NAALADL2: variants seen among roughly 807,000 people sequenced by gnomAD.
The protein encoded by NAALADL2 is N-acetylated alpha-linked acidic dipeptidase like 2, also known as inactive N-acetylated-alpha-linked acidic dipeptidase-like protein 2.
Under a neutral mutation model 87.2 loss-of-function variants are expected in NAALADL2, and 76 were observed. The observed-to-expected ratio is 0.87, with a 90% CI of 0.72 to 1.05. The LOEUF is 1.05. Among genes scored for constraint, NAALADL2 ranks in the 50% least tolerant of loss-of-function variants. The pLI, the probability that NAALADL2 is intolerant of heterozygous loss-of-function variation, is 0.00. For synonymous variants in NAALADL2, 354 were observed against 331.0 expected (o/e 1.07, Z -0.75); for missense variants, 1,089 against 945.8 (o/e 1.15, Z -1.99).
chr3:174,944,289 T>A (rs2108483956), intron 1 of NAALADL2, among the ~76,000 whole-genome samples: 1 of 152,284 alleles, frequency 6.6e-6, no homozygotes, highest in African/African-American at 2.4e-5. Context: ...AGGCACCTAC[T>A]TTAAAAAGCA....
At chr3:175,754,091 T>C (rs576278564) in intron 12 of NAALADL2, among the ~76,000 whole-genome samples, 1 of 152,238 alleles carries the variant, frequency 6.6e-6, no homozygotes, top group South Asian at 2.1e-4. Flanking sequence ...CATGACATGA[T>C]AAGAGAGTGA....
intron 1 of NAALADL2, among the ~76,000 whole-genome samples, chr3:174,520,336 AAG>A (rs1170133317): frequency 6.6e-6 from 1 of 152,188 alleles, no homozygotes; most frequent in African/African-American, 2.4e-5. Context: ...TAGTAACTAA[AAG>A]AGAATAGTAC....
intron 10 of NAALADL2, among the ~76,000 whole-genome samples, chr3:175,601,219 C>A (rs1722936984): frequency 6.6e-6 from 1 of 151,880 alleles, no homozygotes; most frequent in Non-Finnish European, 1.5e-5. Context: ...GTTTATATAA[C>A]CCTTTACTTT....
At position 175,256,521 on chromosome 3, in the gene NAALADL2, G is replaced by A; in HGVS notation, c.930G>A (p.Leu310=). 1 of 1,611,686 alleles carries A rather than the reference G, an allele frequency of 6.2e-7. No individual in the cohort carries two copies. Among genetic ancestry groups the A allele is most frequent in the Non-Finnish European group, 8.5e-7 (1 of 1,179,040 alleles). ...TCCTGAAATTAGGAAAATTGCCACT[G>A]CTTTATAAGGTTGGTCCAGTGAATG... ...IALLKLGKLP[L]LYKLSSLEKA... The change falls in exon 4 of 14, where the codon CTG becomes CTA. Residue 310 remains leucine (L), a synonymous_variant. Transcript: ENST00000454872.
intron 3 of NAALADL2, among the ~76,000 whole-genome samples, chr3:174,743,806 AT>A (rs146825234): frequency 0.075 from 11,301 of 151,156 alleles, 458 homozygotes; most frequent in Middle Eastern, 0.14. Context: ...TAAAGAACAT[AT>A]TTTTTTTTCA....
intron 2 of NAALADL2, among the ~76,000 whole-genome samples, chr3:175,199,022 C>T (rs527527447): frequency 1.3e-5 from 2 of 152,114 alleles, no homozygotes; most frequent in Non-Finnish European, 2.9e-5. Flanking sequence ...ATTTTAAGGA[C>T]AGTTTCAATA....
chr3:175,451,087 G>A (rs146584354), intron 6 of NAALADL2, among the ~76,000 whole-genome samples: 2 of 152,130 alleles, frequency 1.3e-5, no homozygotes, highest in East Asian at 3.9e-4. Context: ...TATATGATTA[G>A]AGCCCTAAAT....
chr3:174,778,129 T>A (rs568799845), intron 3 of NAALADL2, among the ~76,000 whole-genome samples: 1 of 152,194 alleles, frequency 6.6e-6, no homozygotes, highest in Non-Finnish European at 1.5e-5. Flanking sequence ...TTCTAGACTT[T>A]CCATGATCTC....
At chr3:174,869,980 G>C (rs114200137) in intron 1 of NAALADL2, among the ~76,000 whole-genome samples, 6 of 117,342 alleles carry the variant, frequency 5.1e-5, no homozygotes, top group Admixed American at 1.1e-4. Context: ...TGGGCAACAA[G>C]AGCGACAAAA....
At chr3:175,645,116 AT>A (rs575084906) in intron 11 of NAALADL2, among the ~76,000 whole-genome samples, 2,924 of 146,266 alleles carry the variant, frequency 0.02, 69 homozygotes, top group African/African-American at 0.063. Flanking sequence ...GCGAAGCTGT[AT>A]TTTTTTTTTT....
chr3:175,272,347 A>G (rs1752963204), intron 4 of NAALADL2, among the ~76,000 whole-genome samples: 1 of 152,224 alleles, frequency 6.6e-6, no homozygotes, highest in Non-Finnish European at 1.5e-5. Context: ...AGTTTATCAT[A>G]TTAAACTCCC....
intron 3 of NAALADL2, among the ~76,000 whole-genome samples, chr3:175,244,380 T>C (rs1747563998): frequency 6.6e-6 from 1 of 152,168 alleles, no homozygotes; most frequent in Admixed American, 6.5e-5. Flanking sequence ...TCTCTGTACC[T>C]CTTTTTTCAT....
At chr3:175,504,044 A>G (rs1349232079) in intron 9 of NAALADL2, among the ~76,000 whole-genome samples, 1 of 152,180 alleles carries the variant, frequency 6.6e-6, no homozygotes, top group East Asian at 1.9e-4. Flanking sequence ...ATGATCTTTC[A>G]AGGTTTTTAT....
At chr3:174,752,907 T>A (rs7645277) in intron 3 of NAALADL2, among the ~76,000 whole-genome samples, 4,375 of 152,258 alleles carry the variant, frequency 0.029, 224 homozygotes, top group African/African-American at 0.099. Flanking sequence ...ATACTAATGG[T>A]AGATTAAACT....
At chr3:175,433,230 C>T (rs1364186973) in intron 5 of NAALADL2, among the ~76,000 whole-genome samples, 1 of 152,046 alleles carries the variant, frequency 6.6e-6, no homozygotes, top group Non-Finnish European at 1.5e-5. Context: ...TAACATCCCA[C>T]TCATTTCCTA....
In NAALADL2 at chr3:175,447,280, C is replaced by T; in HGVS notation, c.1142C>T (p.Pro381Leu). 6.2e-7 allele frequency: 1 copy of T among 1,604,302 alleles called. No individual in the cohort carries two copies. The highest frequency in any genetic ancestry group is 2.2e-5 in the East Asian group (1 of 44,708). ...AACCTCACCTCTCTATTAGTGCAGCCCATCTCTGCACCCCTCGTTGCAAAA... is the reference window on the plus strand; with the variant it reads ...AACCTCACCTCTCTATTAGTGCAGCTCATCTCTGCACCCCTCGTTGCAAAA... Reference protein sequence around the residue: ...RSNLTSLLVQPISAPLVAKLI... With the variant: ...RSNLTSLLVQLISAPLVAKLI... The change falls in exon 6 of 14, where the codon CCC becomes CTC. Residue 381 changes from proline (P) to leucine (L), a missense_variant. By Grantham distance (98) the Pro-to-Leu change is moderately conservative. Coordinates refer to ENST00000454872, the MANE Select transcript of NAALADL2 (RefSeq NM_207015.3).
chr3:174,898,397 A>C (rs1579425286), intron 1 of NAALADL2, among the ~76,000 whole-genome samples: 1 of 151,500 alleles, frequency 6.6e-6, no homozygotes, highest in East Asian at 1.9e-4. Flanking sequence ...AATAATAAAT[A>C]AATTAATAAT....
intron 2 of NAALADL2, among the ~76,000 whole-genome samples, chr3:175,139,078 A>C (rs1471307): frequency 0.26 from 39,655 of 151,164 alleles, 6,038 homozygotes; most frequent in South Asian, 0.35. Context: ...TATTAAACAC[A>C]AGTAGAACTC....
intron 11 of NAALADL2, among the ~76,000 whole-genome samples, chr3:175,716,875 G>C (rs896834538): frequency 2.6e-5 from 4 of 152,094 alleles, no homozygotes; most frequent in Admixed American, 2.6e-4. Context: ...TTACTTTCTG[G>C]TCCATAGTTA....
Sources: allele counts gnomAD v4.1 joint callset (sites outside exome capture counted in the v4.1 genomes callset), GRCh38; gene constraint gnomAD v4.1.1; transcripts MANE v1.5; gene names NCBI Gene and HGNC (gene_info 2026-07-23, HGNC 2026-07-21).